WIZ: variants seen among roughly 807,000 people sequenced by gnomAD.
The protein encoded by WIZ is WIZ zinc finger.
Under a neutral mutation model 140.2 loss-of-function variants are expected in WIZ, and 25 were observed. That is an observed-to-expected ratio of 0.18 (90% CI 0.13 to 0.25). The LOEUF (loss-of-function observed/expected upper bound fraction) is 0.25. Among genes scored for constraint, WIZ ranks in the 10% least tolerant of loss-of-function variants. The pLI, the probability that WIZ is intolerant of heterozygous loss-of-function variation, is 1.00. For missense variants in WIZ, 2,231 were observed against 2,632.6 expected (o/e 0.85, Z 3.34); for synonymous variants, 1,125 against 1,154.3 (o/e 0.97, Z 0.51).
Position 15,440,486 on chromosome 19 carries a change from C to T in WIZ, c.508G>A (p.Glu170Lys), listed in dbSNP as rs1365885182. ...GCATGTTTCTCCAAAAGCCTTGGTT[C>T]CCCCCGGTGGTGTAAGAACCTTCTA... ...GSRRFLHHRGEPRLLEKHAQG... is the reference protein window; with the variant it reads ...GSRRFLHHRGKPRLLEKHAQG... The change falls in exon 4 of 13, where the codon GAA (glutamate) becomes AAA (lysine). Residue 170 changes from glutamate (E) to lysine (K), a missense_variant. This residue lies in a region of WIZ where 307 missense variants were observed against 294.1 expected (regional missense o/e 1.04). Coordinates refer to ENST00000673675, the MANE Select transcript of WIZ (RefSeq NM_001371589.1). This position sits in a 1 kb window ranked among gnomAD's most constrained non-coding sequence, Gnocchi z 6.2. The T allele has an allele frequency of 3.9e-6, 6 of 1,535,934 alleles. No individual in the cohort carries two copies. The African/African-American group carries it at 6.8e-5, about 18-fold the overall frequency.
At chr19:15,425,875 GGAGGAGGAGGAGGAGGAGGAGGAGGAGGA>G in intron 9 of WIZ, 107 bp from the exon 10 acceptor site, 1 of 211,508 alleles carries the variant, frequency 4.7e-6, no homozygotes, top group South Asian at 5.0e-5. Flanking sequence ...AGGAGGAGGA[GGAGGAGGAGGAGGAGGAGGAGGAGGAGGA>G]GGAGGAGGAG....
intron 2 of WIZ, among the ~76,000 whole-genome samples, chr19:15,444,625 G>C (rs541868959): frequency 1.3e-5 from 2 of 152,354 alleles, no homozygotes; most frequent in Admixed American, 6.5e-5. Context: ...CAGCAGAGCT[G>C]TGCCTGGGTG....
At chr19:15,429,377 A>G (rs1969071567) in intron 7 of WIZ, among the ~76,000 whole-genome samples, 1 of 152,206 alleles carries the variant, frequency 6.6e-6, no homozygotes, top group Non-Finnish European at 1.5e-5. Flanking sequence ...TCAGCAAAGT[A>G]AAGTGGGAGG....
chr19:15,434,044 C>G (rs1969418970), intron 5 of WIZ, among the ~76,000 whole-genome samples: 1 of 151,860 alleles, frequency 6.6e-6, no homozygotes, highest in African/African-American at 2.4e-5. Flanking sequence ...CACTTGAGGT[C>G]AGGAGTTTGA....
At position 15,425,503 on chromosome 19, in the gene WIZ, G is replaced by A. The variant is rs761060802; in HGVS notation, c.4632C>T (p.Pro1544=). The change falls in exon 10 of 13, where the codon CCC becomes CCT. Residue 1544 remains proline, a synonymous_variant. Transcript: ENST00000673675. ...EDGPPTVAPG[P]VQSPLPLSPL... ...GCGACAGCGGCAGTGGGGACTGCAC[G>A]GGCCCAGGGGCCACGGTGGGAGGCC... 2.9e-5 allele frequency: 47 copies of A among 1,609,880 alleles called. No homozygotes were observed. In the African/African-American group the frequency reaches 5.2e-4, roughly 18 times the overall value.
rs549282854 is a variant in WIZ at position 15,431,190 on chromosome 19, T to A, written c.2741-8A>T. 9.9e-6 allele frequency: 15 copies of A among 1,511,092 alleles called. No homozygotes were observed. Among genetic ancestry groups the A allele is most frequent in the Non-Finnish European group, 1.3e-5 (15 of 1,130,984 alleles). 93.6% of individuals were successfully genotyped at this position (1,511,092 alleles called of 1,614,324 possible). On this transcript the variant is annotated splice_polypyrimidine_tract_variant and splice_region_variant and intron_variant, in intron 5 of 12. Coordinates refer to ENST00000673675, the MANE Select transcript of WIZ (RefSeq NM_001371589.1). ...TTTCCTCAGAACCCAGGCCTGTGGG[T>A]TGGGGAGACAGGCTCAGCCCAGACA...
In WIZ at chr19:15,430,992, A is replaced by G. The variant is rs1276670140; in HGVS notation, c.2911+20T>C. 6.6e-7 allele frequency: 1 copy of G among 1,504,514 alleles called. No homozygotes were observed. Among genetic ancestry groups the G allele is most frequent in the Admixed American group, 2.1e-5 (1 of 48,328 alleles). 93.2% of individuals were successfully genotyped at this position (1,504,514 alleles called of 1,614,324 possible). On this transcript the variant is annotated intron_variant, in intron 6 of 12. Coordinates refer to ENST00000673675, the MANE Select transcript of WIZ (RefSeq NM_001371589.1). ...ACCAGCCTGGCCAGCATCCCCTGCC[A>G]TGCCACCTGGGCCACTCACCCTTGA...
At chr19:15,449,102 T>C (rs1005897011) in intron 1 of WIZ, among the ~76,000 whole-genome samples, 1 of 151,784 alleles carries the variant, frequency 6.6e-6, no homozygotes, top group African/African-American at 2.4e-5. Flanking sequence ...AAGAAAACGA[T>C]AGGGCTCCTG....
At chr19:15,441,373 TCCCAAGAACTGGGAAC>T (rs1265608765) in intron 3 of WIZ, among the ~76,000 whole-genome samples, 1 of 152,132 alleles carries the variant, frequency 6.6e-6, no homozygotes, top group Non-Finnish European at 1.5e-5. Context: ...TGGGGGTAAT[TCCCAAGAACTGGGAAC>T]CCCTTTGTCC....
At position 15,428,829 on chromosome 19, in the gene WIZ, C is replaced by T. The variant is rs1261990091; in HGVS notation, c.3416-321G>A. The stretch of plus-strand genomic sequence containing the variant: ...TTTGGGGGCGATGGTGGCTGCTGGG[C>T]TCACGCAGCCAAGGGCACACCTGCT... On this transcript the variant is annotated intron_variant, in intron 7 of 12. Coordinates refer to ENST00000673675, the MANE Select transcript of WIZ (RefSeq NM_001371589.1). The surrounding 1 kb of genome is among the most constrained non-coding windows in gnomAD (Gnocchi z 6.4). Among the ~76,000 whole-genome samples the T allele has an allele frequency of 6.6e-6, 1 of 152,158 alleles. No homozygotes were observed. Among genetic ancestry groups the T allele is most frequent in the African/African-American group, 2.4e-5 (1 of 41,430 alleles).
chr19:15,440,777 G>T lies in WIZ; in HGVS notation c.279-62C>A. 7.0e-7 allele frequency: 1 copy of T among 1,422,332 alleles called. No homozygotes were observed. Among genetic ancestry groups the T allele is most frequent in the Non-Finnish European group, 9.2e-7 (1 of 1,086,112 alleles). The allele number at this position is 1,422,332 out of a possible 1,614,324, so 88.1% of individuals were successfully genotyped here. A position where few individuals can be genotyped will look rare whatever the true frequency, so the allele number is the denominator to read the frequency against. ...GGCTGCAGTTTTCCTTCCTAGGGTG[G>T]TGATGGGGGTCCTCCCAGGCCGTTT... On this transcript the variant is annotated intron_variant, in intron 3 of 12. Coordinates refer to ENST00000673675, the MANE Select transcript of WIZ (RefSeq NM_001371589.1). The surrounding 1 kb of genome is among the most constrained non-coding windows in gnomAD (Gnocchi z 6.2).
intron 5 of WIZ, among the ~76,000 whole-genome samples, chr19:15,435,642 C>T (rs1313279243): frequency 6.6e-6 from 1 of 152,042 alleles, no homozygotes; most frequent in African/African-American, 2.4e-5. Flanking sequence ...TGAAACCAGC[C>T]TGGCCAACGT....
rs757523946 is a variant in WIZ, at chr19:15,423,241, T to C, written c.5511-6A>G. ...GGAATTCCACCTCACAGAACCTGCA[T>C]GGGGGAACAGAGAGAGGGAGTGGCC... On this transcript the variant is annotated splice_polypyrimidine_tract_variant and splice_region_variant and intron_variant, in intron 12 of 12. Coordinates refer to ENST00000673675, the MANE Select transcript of WIZ (RefSeq NM_001371589.1). 1 of 1,613,084 alleles carries C rather than the reference T, an allele frequency of 6.2e-7. No individual in the cohort carries two copies. Among genetic ancestry groups the C allele is most frequent in the Non-Finnish European group, 8.5e-7 (1 of 1,179,778 alleles).
Position 15,440,228 on chromosome 19 carries a change from T to C in WIZ, c.766A>G (p.Thr256Ala). The stretch of plus-strand genomic sequence containing the variant: ...TGTGTGGCTACCTCCGAGGCTGACG[T>C]GGGTAGGCCCCACTCGGACGGCTGG... Reference protein sequence around the residue: ...LAQPSEWGLPTSASEVATQTW... With the variant: ...LAQPSEWGLPASASEVATQTW... The change falls in exon 4 of 13, where the codon ACG becomes GCG. Residue 256 changes from threonine (T) to alanine (A), a missense_variant. Coordinates refer to ENST00000673675, the MANE Select transcript of WIZ (RefSeq NM_001371589.1). This position sits in a 1 kb window ranked among gnomAD's most constrained non-coding sequence, Gnocchi z 6.2. 1 of 1,508,196 alleles carries C rather than the reference T, an allele frequency of 6.6e-7. No homozygotes were observed. Among genetic ancestry groups the C allele is most frequent in the Non-Finnish European group, 8.8e-7 (1 of 1,133,558 alleles). 93.4% of individuals were successfully genotyped at this position (1,508,196 alleles called of 1,614,324 possible).
chr19:15,443,060 C>A (rs576785339), intron 2 of WIZ, among the ~76,000 whole-genome samples: 1 of 152,284 alleles, frequency 6.6e-6, no homozygotes, highest in South Asian at 2.1e-4. Context: ...TCTCATTATA[C>A]CTATAATAAA....
chr19:15,431,569 G>T (rs990165585), intron 5 of WIZ, among the ~76,000 whole-genome samples: 3 of 152,172 alleles, frequency 2.0e-5, no homozygotes, highest in African/African-American at 7.2e-5. Context: ...CACAACACCA[G>T]GGTCAGGAGG....
Position 15,442,772 on chromosome 19 carries a change from G to A in WIZ, c.206-24C>T. 8.1e-7 allele frequency: 1 copy of A among 1,229,488 alleles called. No individual in the cohort carries two copies. Among genetic ancestry groups the A allele is most frequent in the South Asian group, 4.1e-5 (1 of 24,272 alleles). 76.2% of individuals were successfully genotyped at this position (1,229,488 alleles called of 1,614,324 possible). ...GTCTGCAACAGAGAGGGGAGACCCT[G>A]AGGGGCTGGGGTCCCCCTGGCCGGG... On this transcript the variant is annotated intron_variant, in intron 2 of 12. Transcript: ENST00000673675. The surrounding 1 kb of genome is among the most constrained non-coding windows in gnomAD (Gnocchi z 5.5).
intron 5 of WIZ, among the ~76,000 whole-genome samples, chr19:15,431,595 A>T (rs1969242958): frequency 6.6e-6 from 1 of 152,110 alleles, no homozygotes; most frequent in African/African-American, 2.4e-5. Flanking sequence ...GAGGCCACAC[A>T]GAGGCAGGGA....
chr19:15,432,077 G>A (rs989400726), intron 5 of WIZ, among the ~76,000 whole-genome samples: 1 of 152,184 alleles, frequency 6.6e-6, no homozygotes, highest in Non-Finnish European at 1.5e-5. Flanking sequence ...GAGGACTGGG[G>A]CACCGAGGAC....
Sources: gnomAD v4.1 joint callset for allele counts (sites outside exome capture counted in the v4.1 genomes callset) on GRCh38, gnomAD v4.1.1 for gene constraint, gnomAD v4.1.1 regional missense constraint, Gnocchi (gnomAD v3.1) non-coding constraint, MANE v1.5 for transcripts, NCBI Gene and HGNC (gene_info 2026-07-23, HGNC 2026-07-21) for gene names.